DPP10: variants seen among roughly 807,000 people sequenced by gnomAD.
DPP10 encodes dipeptidyl peptidase like 10, also known as inactive dipeptidyl peptidase 10.
A neutral mutation model predicts 120.9 loss-of-function variants in DPP10; 33 were observed. The observed-to-expected ratio is 0.27, with a 90% confidence interval of 0.21 to 0.37. The LOEUF (loss-of-function observed/expected upper bound fraction) is 0.37, where lower values mean the gene tolerates loss of function less well. Among genes scored for constraint, DPP10 ranks in the 10% least tolerant of loss-of-function variants. DPP10 has a pLI of 1.00. For synonymous variants in DPP10, 337 were observed against 326.1 expected (o/e 1.03, Z -0.36); for missense variants, 816 against 942.8 (o/e 0.87, Z 1.76).
At chr2:114,857,757 G>C (rs187556747) in intron 1 of DPP10, among the ~76,000 whole-genome samples, 1 of 152,210 alleles carries the variant, frequency 6.6e-6, no homozygotes, top group Non-Finnish European at 1.5e-5. Flanking sequence ...ATTAAACGTA[G>C]GGTGCCTGAC....
chr2:115,005,861 A>T (rs1021560637), intron 1 of DPP10, among the ~76,000 whole-genome samples: 3 of 152,200 alleles, frequency 2.0e-5, no homozygotes, highest in Admixed American at 6.5e-5. Flanking sequence ...CAGGAAATAC[A>T]GAGAACGCCA....
chr2:115,511,368 A>T (rs920072019), intron 4 of DPP10, among the ~76,000 whole-genome samples: 1 of 152,118 alleles, frequency 6.6e-6, no homozygotes, highest in African/African-American at 2.4e-5. Context: ...AAGCAATTTT[A>T]TAGTATTCTG....
intron 1 of DPP10, among the ~76,000 whole-genome samples, chr2:115,065,780 C>T (rs941519663): frequency 6.6e-6 from 1 of 152,006 alleles, no homozygotes; most frequent in Non-Finnish European, 1.5e-5. Flanking sequence ...AATCTACACC[C>T]TTTGATACAA....
chr2:114,603,495 C>T (rs1007162032), intron 1 of DPP10, among the ~76,000 whole-genome samples: 6 of 152,040 alleles, frequency 3.9e-5, no homozygotes, highest in African/African-American at 1.4e-4. Context: ...TGTAAAACTC[C>T]AAACATAGTA....
At chr2:115,735,595 A>G (rs1293419598) in intron 8 of DPP10, among the ~76,000 whole-genome samples, 1 of 148,552 alleles carries the variant, frequency 6.7e-6, no homozygotes, top group African/African-American at 2.5e-5. Flanking sequence ...ATCCCGGCTC[A>G]CTGCAAACTC....
chr2:115,472,530 T>A (rs978130261), intron 3 of DPP10, among the ~76,000 whole-genome samples: 1 of 152,336 alleles, frequency 6.6e-6, no homozygotes, highest in South Asian at 2.1e-4. Flanking sequence ...CATTTTAAAC[T>A]TAAAGCAGAT....
At chr2:114,606,302 G>T (rs1010006831) in intron 1 of DPP10, among the ~76,000 whole-genome samples, 1 of 152,012 alleles carries the variant, frequency 6.6e-6, no homozygotes, top group Non-Finnish European at 1.5e-5. Flanking sequence ...GACTCAGACT[G>T]GTCCTTGGCA....
chr2:115,174,306 T>C (rs2053558345), intron 1 of DPP10, among the ~76,000 whole-genome samples: 1 of 152,212 alleles, frequency 6.6e-6, no homozygotes, highest in Admixed American at 6.5e-5. Context: ...GGTTCTCGTA[T>C]AAGTATGTAG....
chr2:115,002,095 A>G (rs1366523437), intron 1 of DPP10, among the ~76,000 whole-genome samples: 2 of 152,238 alleles, frequency 1.3e-5, no homozygotes, highest in African/African-American at 2.4e-5. Flanking sequence ...CAAAAGGAAC[A>G]GAGCTGGAGG....
At chr2:114,631,348 T>C (rs926570625) in intron 1 of DPP10, among the ~76,000 whole-genome samples, 11 of 152,022 alleles carry the variant, frequency 7.2e-5, no homozygotes, top group Non-Finnish European at 1.0e-4. Context: ...CACCACTCAC[T>C]GCAGGCCACG....
At chr2:115,572,494 T>C (rs1485005738) in intron 5 of DPP10, among the ~76,000 whole-genome samples, 1 of 152,236 alleles carries the variant, frequency 6.6e-6, no homozygotes, top group East Asian at 1.9e-4. Flanking sequence ...TGCACATATG[T>C]AAACACAGAT....
At chr2:115,303,302 T>C (rs1222607757) in intron 1 of DPP10, among the ~76,000 whole-genome samples, 1 of 152,004 alleles carries the variant, frequency 6.6e-6, no homozygotes, top group Non-Finnish European at 1.5e-5. Context: ...AGATTTTGCC[T>C]TCTTCTTTTG....
Position 114,963,039 on chromosome 2 carries a change from C to T in DPP10, c.61-346200C>T, listed in dbSNP as rs185590598. ...AATTAAAATGTCACAAGATATATTTCTGAGCATAACAATCACAGCATTTAA... is the reference window on the plus strand; with the variant it reads ...AATTAAAATGTCACAAGATATATTTTTGAGCATAACAATCACAGCATTTAA... On this transcript the variant is annotated intron_variant, in intron 1 of 25. Transcript: ENST00000410059. Among the ~76,000 whole-genome samples, 374 of 152,296 alleles carry T rather than the reference C, an allele frequency of 2.5e-3. 1 individual carries two copies. The highest frequency in any genetic ancestry group is 8.6e-3 in the African/African-American group (358 of 41,574).
chr2:114,945,772 C>G (rs1697302428), intron 1 of DPP10, among the ~76,000 whole-genome samples: 1 of 152,068 alleles, frequency 6.6e-6, no homozygotes, highest in Non-Finnish European at 1.5e-5. Context: ...GCCGAGATCC[C>G]ACCATTGCAC....
intron 1 of DPP10, among the ~76,000 whole-genome samples, chr2:115,111,354 T>C (rs991783149): frequency 4.6e-5 from 7 of 152,106 alleles, no homozygotes; most frequent in African/African-American, 1.7e-4. Flanking sequence ...ATTGATTGGA[T>C]TTTGTTCCTA....
intron 1 of DPP10, among the ~76,000 whole-genome samples, chr2:115,044,555 T>C (rs1704917750): frequency 6.6e-6 from 1 of 152,000 alleles, no homozygotes; most frequent in Admixed American, 6.6e-5. Flanking sequence ...AGGATGGTGC[T>C]AAACAATTAG....
At chr2:114,497,447 A>G (rs1682775380) in intron 1 of DPP10, among the ~76,000 whole-genome samples, 2 of 150,824 alleles carry the variant, frequency 1.3e-5, no homozygotes, top group Non-Finnish European at 1.5e-5. Flanking sequence ...ATATATATAG[A>G]TGCATCTATT....
At chr2:115,305,560 C>G (rs781094920) in intron 1 of DPP10, among the ~76,000 whole-genome samples, 6 of 151,710 alleles carry the variant, frequency 4.0e-5, no homozygotes. Context: ...TAGAAGACCT[C>G]GTCTTTACAA....
chr2:115,480,635 C>T (rs2075371102), intron 3 of DPP10, among the ~76,000 whole-genome samples: 1 of 151,958 alleles, frequency 6.6e-6, no homozygotes, highest in Admixed American at 6.6e-5. Context: ...AGAGTTAAAA[C>T]GCGGGTGAGG....
Sources: allele counts gnomAD v4.1 joint callset (sites outside exome capture counted in the v4.1 genomes callset), GRCh38; gene constraint gnomAD v4.1.1; transcripts MANE v1.5; gene names NCBI Gene and HGNC (gene_info 2026-07-23, HGNC 2026-07-21).